The following PDE3A variants were observed in gnomAD, a reference collection of about 807,000 sequenced individuals.
The protein encoded by PDE3A is phosphodiesterase 3A, also known as cGMP-inhibited 3',5'-cyclic phosphodiesterase 3A.
PDE3A carries 43 observed loss-of-function variants against 98.3 expected under a neutral mutation model. That is an observed-to-expected ratio of 0.44 (90% confidence interval 0.34 to 0.56). PDE3A has a LOEUF of 0.56. PDE3A is among the 20% of genes least tolerant of loss of function. PDE3A has a pLI of 0.01. For missense variants in PDE3A, 1,427 were observed against 1,440.7 expected, an observed-to-expected ratio of 0.99 and a Z score of 0.15; for synonymous variants, 663 against 567.9, an observed-to-expected ratio of 1.17 and a Z score of -2.38.
chr12:20,644,283 T>A (rs1334771280), intron 10 of PDE3A, among the ~76,000 whole-genome samples: 3 of 152,208 alleles, frequency 2.0e-5, no homozygotes, highest in Non-Finnish European at 2.9e-5. Flanking sequence ...TGATCTATAC[T>A]AGTTCTGTCT....
chr12:20,492,420 G>A lies in PDE3A; in HGVS notation c.961-64240G>A, dbSNP rs530583422. ...TTCGAATCCTGTCTGCTATATGTATGAGTCACAGTCTGGGCAGGAAATAGA... is the reference window on the plus strand; with the variant it reads ...TTCGAATCCTGTCTGCTATATGTATAAGTCACAGTCTGGGCAGGAAATAGA... On this transcript the variant is annotated intron_variant, in intron 1 of 15. Coordinates refer to ENST00000359062, the MANE Select transcript of PDE3A (RefSeq NM_000921.5). Among the ~76,000 whole-genome samples the A allele has an allele frequency of 3.6e-3, 554 of 152,004 alleles. 6 individuals carry two copies. Among genetic ancestry groups the A allele is most frequent in the African/African-American group, 0.013 (520 of 41,432 alleles).
At chr12:20,420,833 G>T (rs999946852) in intron 1 of PDE3A, among the ~76,000 whole-genome samples, 1 of 152,152 alleles carries the variant, frequency 6.6e-6, no homozygotes, top group African/African-American at 2.4e-5. Context: ...TTACACATAA[G>T]TTATTGAGCA....
intron 1 of PDE3A, among the ~76,000 whole-genome samples, chr12:20,534,242 GTC>G (rs1489676600): frequency 1.3e-5 from 2 of 152,194 alleles, no homozygotes; most frequent in East Asian, 3.9e-4. Flanking sequence ...TCAGCTTTTC[GTC>G]TCTCTTACAT....
At chr12:20,427,385 A>G (rs1389392883) in intron 1 of PDE3A, among the ~76,000 whole-genome samples, 2 of 152,244 alleles carry the variant, frequency 1.3e-5, no homozygotes, top group Non-Finnish European at 2.9e-5. Flanking sequence ...TTAATGGGAA[A>G]TAGAATAGAA....
At chr12:20,472,436 T>G (rs1293127410) in intron 1 of PDE3A, among the ~76,000 whole-genome samples, 1 of 152,128 alleles carries the variant, frequency 6.6e-6, no homozygotes, top group African/African-American at 2.4e-5. Flanking sequence ...CCCCAGTCAG[T>G]AGGAGATTCT....
chr12:20,594,417 A>G (rs7967015), intron 2 of PDE3A, among the ~76,000 whole-genome samples: 1 of 151,916 alleles, frequency 6.6e-6, no homozygotes, highest in Non-Finnish European at 1.5e-5. Flanking sequence ...TTCTATATTT[A>G]GAAATTCATA....
intron 1 of PDE3A, among the ~76,000 whole-genome samples, chr12:20,385,502 C>A (rs1332335918): frequency 6.6e-6 from 1 of 151,792 alleles, no homozygotes; most frequent in African/African-American, 2.4e-5. Flanking sequence ...ATGTTTATTG[C>A]GGCACTATTC....
intron 1 of PDE3A, among the ~76,000 whole-genome samples, chr12:20,525,760 G>C (rs1400547696): frequency 6.6e-6 from 1 of 152,108 alleles, no homozygotes; most frequent in Non-Finnish European, 1.5e-5. Context: ...GTTTGGTAAG[G>C]TTACTAAAGA....
chr12:20,579,051 G>T (rs1943005949), intron 2 of PDE3A, among the ~76,000 whole-genome samples: 1 of 152,154 alleles, frequency 6.6e-6, no homozygotes, highest in East Asian at 1.9e-4. Context: ...TCCTTTAGGT[G>T]TTGTGCTTCT....
At chr12:20,407,457 A>G (rs1014916823) in intron 1 of PDE3A, among the ~76,000 whole-genome samples, 4 of 152,210 alleles carry the variant, frequency 2.6e-5, no homozygotes, top group African/African-American at 9.6e-5. Context: ...AGTTAGTCTG[A>G]AGTATCTTCA....
Position 20,687,873 on chromosome 12 carries a change from T to C in PDE3A, c.*7602T>C, listed in dbSNP as rs1946013575. On this transcript the variant is annotated 3_prime_UTR_variant, in exon 16 of 16. Coordinates refer to ENST00000359062, the MANE Select transcript of PDE3A (RefSeq NM_000921.5). ...TGGTATTAAAATGTGCTCTGATTTCTGCGGGCATTTGTTCTGACCAGTCAT... is the reference window on the plus strand; with the variant it reads ...TGGTATTAAAATGTGCTCTGATTTCCGCGGGCATTTGTTCTGACCAGTCAT... 7.5e-6 allele frequency among the ~76,000 whole-genome samples: 1 copy of C among 132,952 alleles called. No homozygotes were observed. Among genetic ancestry groups the C allele is most frequent in the Admixed American group, 8.3e-5 (1 of 12,028 alleles). 87.2% of individuals were successfully genotyped at this position (132,952 alleles called of 152,430 possible).
chr12:20,639,796 G>T (rs758422401), intron 9 of PDE3A, 50 bp from the exon 10 acceptor site: 6 of 817,548 alleles, frequency 7.3e-6, no homozygotes, highest in Non-Finnish European at 1.1e-5. Flanking sequence ...TTCTCTTTAT[G>T]TCTGACATAC....
At chr12:20,548,656 A>G (rs1942120703) in intron 1 of PDE3A, among the ~76,000 whole-genome samples, 1 of 152,170 alleles carries the variant, frequency 6.6e-6, no homozygotes, top group Non-Finnish European at 1.5e-5. Context: ...GAATTGCTTA[A>G]GTAGCATGCT....
rs543032799 is a variant in PDE3A, at chr12:20,484,538, T to C, written c.961-72122T>C. 3.9e-5 allele frequency among the ~76,000 whole-genome samples: 6 copies of C among 152,334 alleles called. No homozygotes were observed. In the East Asian group the frequency reaches 1.2e-3, roughly 29 times the overall value. On this transcript the variant is annotated intron_variant, in intron 1 of 15. Transcript: ENST00000359062. ...CTGTAGAACACAATGTGCTTATTCT[T>C]TTTCACTTTAACACTGGTATCTATT...
chr12:20,600,518 G>T lies in PDE3A; in HGVS notation c.1012-12925G>T, dbSNP rs77192238. Among the ~76,000 whole-genome samples the T allele has an allele frequency of 5.0e-3, 760 of 152,200 alleles. 4 individuals are homozygous for T. The highest frequency in any genetic ancestry group is 8.6e-3 in the Non-Finnish European group (588 of 68,010). ...TGTCAACCTTTCAAACTGAAGCACT[G>T]TGTACTTCACCTGAGCTTTGTCTTC... On this transcript the variant is annotated intron_variant, in intron 2 of 15. Transcript: ENST00000359062.
intron 15 of PDE3A, among the ~76,000 whole-genome samples, chr12:20,664,990 G>T (rs1253032597): frequency 6.6e-6 from 1 of 152,044 alleles, no homozygotes; most frequent in Non-Finnish European, 1.5e-5. Context: ...AAGTCCTGTT[G>T]ATTCTCCCAT....
chr12:20,669,032 T>A (rs1334321069), intron 15 of PDE3A, among the ~76,000 whole-genome samples: 1 of 150,790 alleles, frequency 6.6e-6, no homozygotes, highest in East Asian at 2.0e-4. Context: ...AAACCAAGGC[T>A]CGAGAACTAC....
Position 20,630,134 on chromosome 12 carries a change from A to AT in PDE3A, c.1760+13dup. ...CACCTGTTATATGTAGCAGGTAAGG[A>AT]TTTTTTATGAACTGAAGTTTAATAA... On this transcript the variant is annotated splice_region_variant and intron_variant, in intron 6 of 15. Coordinates refer to ENST00000359062, the MANE Select transcript of PDE3A (RefSeq NM_000921.5). 6.4e-7 allele frequency: 1 copy of AT among 1,567,844 alleles called. No individual in the cohort carries two copies. The highest frequency in any genetic ancestry group is 1.7e-5 in the Admixed American group (1 of 59,862).
At chr12:20,640,660 AGAG>A (rs1209754767) in intron 10 of PDE3A, among the ~76,000 whole-genome samples, 5 of 152,142 alleles carry the variant, frequency 3.3e-5, no homozygotes, top group Non-Finnish European at 7.4e-5. Context: ...ATCGGAACAC[AGAG>A]GAGATGTTAA....
Sources: allele counts gnomAD v4.1 joint callset (sites outside exome capture counted in the v4.1 genomes callset), GRCh38; gene constraint gnomAD v4.1.1; transcripts MANE v1.5; gene names NCBI Gene and HGNC (gene_info 2026-07-23, HGNC 2026-07-21).